Variants in UBAC2 observed in about 807,000 individuals in gnomAD.
UBAC2 encodes UBA domain containing 2.
Under a neutral mutation model 44.0 loss-of-function variants are expected in UBAC2, and 26 were observed. The observed-to-expected ratio is 0.59, with a 90% CI of 0.43 to 0.82. The LOEUF (loss-of-function observed/expected upper bound fraction) is 0.82. UBAC2 is among the 40% of genes least tolerant of loss of function. The pLI, the probability that UBAC2 is intolerant of heterozygous loss-of-function variation, is 0.00. For missense variants in UBAC2, 329 were observed against 419.4 expected, an observed-to-expected ratio of 0.78 and a Z score of 1.88; for synonymous variants, 155 against 154.3, an observed-to-expected ratio of 1.00 and a Z score of -0.04.
chr13:99,355,769 GC>G (rs933010176), intron 7 of UBAC2, among the ~76,000 whole-genome samples: 1 of 152,154 alleles, frequency 6.6e-6, no homozygotes, highest in South Asian at 2.1e-4. Context: ...GGTGCCACAA[GC>G]CCCCCCGCAG....
intron 4 of UBAC2, among the ~76,000 whole-genome samples, chr13:99,249,216 C>T (rs988678273): frequency 5.3e-5 from 8 of 151,798 alleles, no homozygotes; most frequent in African/African-American, 1.2e-4. Context: ...AATAGTCTTC[C>T]GTGTCTGTTG....
intron 6 of UBAC2, among the ~76,000 whole-genome samples, chr13:99,333,109 AAG>A (rs950599480): frequency 1.3e-5 from 2 of 152,188 alleles, no homozygotes; most frequent in African/African-American, 4.8e-5. Context: ...GGGGGGAAGA[AAG>A]AGAGAGATAA....
chr13:99,262,710 CAAAAAAAAA>C (rs61627160), intron 4 of UBAC2, among the ~76,000 whole-genome samples: 14 of 57,158 alleles, frequency 2.4e-4, no homozygotes, highest in East Asian at 8.9e-4. Flanking sequence ...AACTCCCTCT[CAAAAAAAAA>C]AAAAAAAAAA....
chr13:99,372,985 T>C (rs1435270940), intron 8 of UBAC2, among the ~76,000 whole-genome samples: 1 of 151,858 alleles, frequency 6.6e-6, no homozygotes, highest in Admixed American at 6.6e-5. Context: ...CCGGGCATGG[T>C]GACGGGCGCC....
intron 7 of UBAC2, among the ~76,000 whole-genome samples, chr13:99,355,341 C>T (rs2045161553): frequency 1.3e-5 from 2 of 152,190 alleles, no homozygotes; most frequent in Non-Finnish European, 2.9e-5. Context: ...AGATGCACTT[C>T]CATTCTTATG....
intron 4 of UBAC2, among the ~76,000 whole-genome samples, chr13:99,250,861 C>G (rs1227505031): frequency 7.2e-5 from 11 of 152,160 alleles, no homozygotes; most frequent in Non-Finnish European, 1.5e-4. Flanking sequence ...ATTCTCCTGC[C>G]TCAGCCTCCC....
At chr13:99,381,956 G>T (rs1003997802) in intron 8 of UBAC2, among the ~76,000 whole-genome samples, 15 of 152,194 alleles carry the variant, frequency 9.9e-5, no homozygotes, top group Admixed American at 9.2e-4. Context: ...AATCCTGTTG[G>T]CAAGAGATCA....
rs545813426 is a variant in UBAC2, at chr13:99,336,699, T to C, written c.562-3621T>C. 3.3e-5 allele frequency among the ~76,000 whole-genome samples: 5 copies of C among 152,344 alleles called. No individual in the cohort carries two copies. The East Asian group carries it at 9.6e-4, about 29-fold the overall frequency. Reference sequence around the variant, plus strand: ...TTTTAGGTAGCCAAACTTTATAGTATGTCTTGAAATCTGATAGGACTTACG... The same window carrying C: ...TTTTAGGTAGCCAAACTTTATAGTACGTCTTGAAATCTGATAGGACTTACG... On this transcript the variant is annotated intron_variant, in intron 6 of 8. Transcript: ENST00000403766.
chr13:99,356,713 A>G (rs2045190054), intron 7 of UBAC2, among the ~76,000 whole-genome samples: 1 of 152,226 alleles, frequency 6.6e-6, no homozygotes, highest in South Asian at 2.1e-4. Context: ...CGACACAAAG[A>G]TCATGGGTGG....
In UBAC2 at chr13:99,345,061, A is replaced by G. The variant is rs551842046; in HGVS notation, c.807+4496A>G. Among the ~76,000 whole-genome samples, 25 of 152,254 alleles carry G rather than the reference A, an allele frequency of 1.6e-4. No homozygotes were observed. The East Asian group carries it at 3.7e-3, about 22-fold the overall frequency. ...TTTCAGGAAGTAGAAGGACGGGTGG[A>G]ATTTGGATGGGTGGAGAGGGTAAGG... On this transcript the variant is annotated intron_variant, in intron 7 of 8. Transcript: ENST00000403766.
At chr13:99,371,196 C>G (rs1433628369) in intron 8 of UBAC2, among the ~76,000 whole-genome samples, 1 of 151,578 alleles carries the variant, frequency 6.6e-6, no homozygotes, top group Non-Finnish European at 1.5e-5. Flanking sequence ...CTTGATCATC[C>G]CAGAATGACA....
At chr13:99,206,888 G>A (rs746706224) in intron 1 of UBAC2, among the ~76,000 whole-genome samples, 2 of 152,176 alleles carry the variant, frequency 1.3e-5, no homozygotes, top group Admixed American at 6.5e-5. Context: ...TGCTCCTTCC[G>A]CTTCCTGCTC....
intron 4 of UBAC2, among the ~76,000 whole-genome samples, chr13:99,297,847 G>C (rs529220551): frequency 2.6e-5 from 4 of 151,746 alleles, no homozygotes; most frequent in South Asian, 4.2e-4. Flanking sequence ...GCTTAGAAGA[G>C]ATACAGCTCA....
chr13:99,326,150 A>G (rs370340638), intron 6 of UBAC2, among the ~76,000 whole-genome samples: 5 of 152,120 alleles, frequency 3.3e-5, no homozygotes, highest in East Asian at 1.9e-4. Flanking sequence ...ATTTCTGCCA[A>G]CTGTGCACAG....
At chr13:99,203,186 A>AC (rs931409196) in intron 1 of UBAC2, among the ~76,000 whole-genome samples, 1 of 151,874 alleles carries the variant, frequency 6.6e-6, no homozygotes, top group Non-Finnish European at 1.5e-5. Flanking sequence ...ACAGGTGCCC[A>AC]CCATCACACC....
At chr13:99,290,518 G>T (rs2044075691) in intron 4 of UBAC2, among the ~76,000 whole-genome samples, 1 of 152,020 alleles carries the variant, frequency 6.6e-6, no homozygotes, top group Admixed American at 6.6e-5. Context: ...TTGAGGTCAG[G>T]AGTTTGAGAC....
intron 6 of UBAC2, among the ~76,000 whole-genome samples, chr13:99,334,204 T>C (rs1217253222): frequency 6.6e-6 from 1 of 152,104 alleles, no homozygotes; most frequent in Non-Finnish European, 1.5e-5. Flanking sequence ...CTAGTGATCC[T>C]CCTGCTTCAG....
chr13:99,374,660 T>A (rs1458003497), intron 8 of UBAC2, among the ~76,000 whole-genome samples: 2 of 152,220 alleles, frequency 1.3e-5, no homozygotes, highest in Non-Finnish European at 2.9e-5. Flanking sequence ...CCGAAACTCC[T>A]AAAATGCTCA....
chr13:99,244,476 G>C, intron 3 of UBAC2, 39 bp from the exon 4 acceptor site: 1 of 1,382,274 alleles, frequency 7.2e-7, no homozygotes, highest in Non-Finnish European at 1.0e-6. Flanking sequence ...ATTTTTAGGA[G>C]ACTCATCTCT....
Sources: allele counts gnomAD v4.1 joint callset (sites outside exome capture counted in the v4.1 genomes callset), GRCh38; gene constraint gnomAD v4.1.1; transcripts MANE v1.5; gene names NCBI Gene and HGNC (gene_info 2026-07-23, HGNC 2026-07-21).